The following BCAT1 variants were observed in gnomAD, a reference collection of about 807,000 sequenced individuals.
BCAT1 encodes the protein branched-chain-amino-acid aminotransferase, cytosolic.
Under a neutral mutation model 52.4 loss-of-function variants are expected in BCAT1, and 48 were observed. That is an observed-to-expected ratio of 0.92 (90% CI 0.73 to 1.16). The LOEUF (loss-of-function observed/expected upper bound fraction) is 1.16. BCAT1 is among the 50% of genes most tolerant of loss of function. BCAT1 has a pLI of 0.00. For missense variants in BCAT1, 451 were observed against 457.1 expected (o/e 0.99, Z 0.12); for synonymous variants, 167 against 161.3 (o/e 1.04, Z -0.27).
intron 3 of BCAT1, among the ~76,000 whole-genome samples, chr12:24,887,080 A>AAAAAAAAAAAAAAAAAAATATATAT (rs1245203518): frequency 2.5e-5 from 1 of 40,748 alleles, no homozygotes; most frequent in African/African-American, 7.7e-5. Context: ...AAAAAAAAAA[A>AAAAAAAAAAAAAAAAAAATATATAT]ATATATATAT....
intron 1 of BCAT1, among the ~76,000 whole-genome samples, chr12:24,910,361 A>G (rs980991313): frequency 6.6e-5 from 10 of 151,672 alleles, no homozygotes; most frequent in African/African-American, 2.4e-4. Flanking sequence ...TGGGTGACAT[A>G]GCGAGACTCT....
intron 7 of BCAT1, among the ~76,000 whole-genome samples, chr12:24,836,946 GAAAGAAAGAAAA>G (rs1940982204): frequency 1.0e-5 from 1 of 99,388 alleles, no homozygotes; most frequent in Non-Finnish European, 2.3e-5. Context: ...AAGAAAGAAA[GAAAGAAAGAAAA>G]GAGAAAGAAA....
intron 6 of BCAT1, 98 bp from the exon 7 acceptor site, chr12:24,842,322 G>T: frequency 2.2e-6 from 3 of 1,340,678 alleles, no homozygotes; most frequent in South Asian, 1.3e-5. Context: ...TTCACATGTG[G>T]ACATAGTGAA....
chr12:24,846,069 G>A (rs1038759864), intron 6 of BCAT1, among the ~76,000 whole-genome samples: 4 of 152,134 alleles, frequency 2.6e-5, no homozygotes, highest in African/African-American at 9.7e-5. Flanking sequence ...TGAATATTTA[G>A]CCTTTCAAAG....
At chr12:24,860,006 A>G (rs1941810383) in intron 5 of BCAT1, among the ~76,000 whole-genome samples, 1 of 152,228 alleles carries the variant, frequency 6.6e-6, no homozygotes, top group Non-Finnish European at 1.5e-5. Flanking sequence ...TGTTATCAGT[A>G]ATAATTATAA....
intron 4 of BCAT1, among the ~76,000 whole-genome samples, chr12:24,880,329 C>T (rs1378119793): frequency 6.6e-6 from 1 of 152,150 alleles, no homozygotes; most frequent in African/African-American, 2.4e-5. Context: ...TGGCTGCGTG[C>T]ACTTGTAATC....
At chr12:24,900,012 G>T (rs1198864431) in intron 2 of BCAT1, among the ~76,000 whole-genome samples, 1 of 152,060 alleles carries the variant, frequency 6.6e-6, no homozygotes, top group Non-Finnish European at 1.5e-5. Flanking sequence ...GGTGATTATA[G>T]TTAACAACAA....
chr12:24,916,554 T>G (rs369950601), intron 1 of BCAT1, among the ~76,000 whole-genome samples: 2 of 152,356 alleles, frequency 1.3e-5, no homozygotes, highest in East Asian at 3.9e-4. Flanking sequence ...GTTTGTTTGT[T>G]TTGAGATAGA....
intron 1 of BCAT1, among the ~76,000 whole-genome samples, chr12:24,925,407 ATC>A (rs918068318): frequency 7.2e-5 from 11 of 152,174 alleles, no homozygotes; most frequent in Non-Finnish European, 1.5e-4. Context: ...CTTAAAATAA[ATC>A]TCTCTCTCTC....
intron 10 of BCAT1, 150 bp from the exon 11 acceptor site, chr12:24,818,199 T>C (rs771615992): frequency 3.4e-5 from 25 of 725,766 alleles, no homozygotes; most frequent in Non-Finnish European, 5.4e-5. Context: ...CATTAAAAAC[T>C]GGATTAGAGA....
At chr12:24,862,675 T>C (rs1651967884) in intron 5 of BCAT1, among the ~76,000 whole-genome samples, 1 of 152,190 alleles carries the variant, frequency 6.6e-6, no homozygotes, top group African/African-American at 2.4e-5. Flanking sequence ...TATATATACT[T>C]AGCCACCCTG....
At chr12:24,869,000 A>T (rs1942105036) in intron 5 of BCAT1, among the ~76,000 whole-genome samples, 1 of 152,212 alleles carries the variant, frequency 6.6e-6, no homozygotes, top group South Asian at 2.1e-4. Flanking sequence ...AAAAGACAAA[A>T]GACTTGCAAA....
Position 24,901,868 on chromosome 12 carries a change from G to A in BCAT1, c.24C>T (p.Cys8=), listed in dbSNP as rs947102882. The A allele has an allele frequency of 1.2e-6, 2 of 1,613,850 alleles. No individual in the cohort carries two copies. Among genetic ancestry groups the A allele is most frequent in the Non-Finnish European group, 1.7e-6 (2 of 1,179,896 alleles). MKDCSNG[C]SAECTGEGGS... ...CTCCTTCTCCGGTACACTCTGCGGA[G>A]CATCCGTTACTGCAATCCTTAAAGA... Residue 8 remains cysteine (C), a synonymous_variant, in exon 2 of 11, where the codon TGC becomes TGT. Coordinates refer to ENST00000261192, the MANE Select transcript of BCAT1 (RefSeq NM_005504.7).
chr12:24,819,076 C>T (rs573361903), intron 10 of BCAT1, among the ~76,000 whole-genome samples: 2 of 152,162 alleles, frequency 1.3e-5, no homozygotes, highest in African/African-American at 4.8e-5. Context: ...GATTGAATAA[C>T]TTGCTCAAGT....
At chr12:24,919,681 A>G (rs1024886358) in intron 1 of BCAT1, among the ~76,000 whole-genome samples, 18 of 152,178 alleles carry the variant, frequency 1.2e-4, no homozygotes, top group African/African-American at 4.3e-4. Context: ...CAGCAATACC[A>G]CTTACTAGCT....
chr12:24,920,945 G>T (rs1943491729), intron 1 of BCAT1, among the ~76,000 whole-genome samples: 1 of 152,160 alleles, frequency 6.6e-6, no homozygotes, highest in Non-Finnish European at 1.5e-5. Flanking sequence ...GAGATACAAG[G>T]TCCAAGTCTG....
intron 1 of BCAT1, 107 bp from the exon 2 acceptor site, chr12:24,901,992 C>G: frequency 6.2e-7 from 1 of 1,601,052 alleles, no homozygotes; most frequent in Non-Finnish European, 8.5e-7. Context: ...CTCCAGGACC[C>G]AGGCAAACAC....
At chr12:24,835,421 T>C (rs1940873101) in intron 8 of BCAT1, among the ~76,000 whole-genome samples, 1 of 152,350 alleles carries the variant, frequency 6.6e-6, no homozygotes, top group Admixed American at 6.5e-5. Context: ...CCTTTTCATG[T>C]TCTTTGGAGA....
intron 1 of BCAT1, among the ~76,000 whole-genome samples, chr12:24,905,593 C>G (rs1326040789): frequency 6.6e-6 from 1 of 152,116 alleles, no homozygotes; most frequent in South Asian, 2.1e-4. Context: ...CATTGAAGTA[C>G]AAATTTTTCC....
Sources: gnomAD v4.1 joint callset for allele counts (sites outside exome capture counted in the v4.1 genomes callset) on GRCh38, gnomAD v4.1.1 for gene constraint, MANE v1.5 for transcripts, NCBI Gene and HGNC (gene_info 2026-07-23, HGNC 2026-07-21) for gene names.